CUBN: variants seen among roughly 807,000 people sequenced by gnomAD.
The protein encoded by CUBN is 460 kDa receptor.
Under a neutral mutation model 405.3 loss-of-function variants are expected in CUBN, and 282 were observed. The observed-to-expected ratio is 0.70, with a 90% CI of 0.63 to 0.77. The LOEUF is 0.77. Ranked by LOEUF, CUBN falls within the 30% of genes least tolerant of loss-of-function variation. CUBN has a pLI of 0.00. For missense variants in CUBN, 4,514 were observed against 4,475.2 expected (o/e 1.01, Z -0.25); for synonymous variants, 1,684 against 1,617.0 (o/e 1.04, Z -0.99).
At chr10:16,904,416 A>T (rs1001965875) in intron 50 of CUBN, among the ~76,000 whole-genome samples, 1 of 152,256 alleles carries the variant, frequency 6.6e-6, no homozygotes, top group African/African-American at 2.4e-5. Flanking sequence ...GATACAATGA[A>T]TTAAAATAGC....
chr10:17,127,793 A>G, intron 3 of CUBN, 36 bp downstream of exon 3: 1 of 1,459,906 alleles, frequency 6.8e-7, no homozygotes, highest in Non-Finnish European at 9.6e-7. Context: ...ACTAGGGAGA[A>G]CTCATCGGTT....
chr10:16,832,960 C>A (rs1260345619), intron 64 of CUBN, among the ~76,000 whole-genome samples: 1 of 152,082 alleles, frequency 6.6e-6, no homozygotes, highest in Non-Finnish European at 1.5e-5. Flanking sequence ...CAGGCCTAAG[C>A]GGTGGTTTCC....
At chr10:16,926,809 T>TTCTATCTATCTATCTATCTA (rs72523233) in intron 41 of CUBN, among the ~76,000 whole-genome samples, 9 of 41,598 alleles carry the variant, frequency 2.2e-4, no homozygotes, top group African/African-American at 4.2e-4. Context: ...AAATTTTTTT[T>TTCTATCTATCTATCTATCTA]TCTATCTATC....
chr10:17,099,097 T>C (rs909374273), intron 14 of CUBN, among the ~76,000 whole-genome samples: 1 of 152,096 alleles, frequency 6.6e-6, no homozygotes, highest in African/African-American at 2.4e-5. Flanking sequence ...AAGAACAAAG[T>C]TGAAATTACA....
chr10:17,019,500 A>T (rs577523282), intron 28 of CUBN, among the ~76,000 whole-genome samples: 70 of 151,990 alleles, frequency 4.6e-4, no homozygotes, highest in African/African-American at 1.6e-3. Context: ...AGATACTCCC[A>T]CCCCAACTTG....
At chr10:17,114,740 C>T (rs1366404499) in intron 7 of CUBN, among the ~76,000 whole-genome samples, 1 of 152,168 alleles carries the variant, frequency 6.6e-6, no homozygotes, top group Non-Finnish European at 1.5e-5. Context: ...CATCAGGACG[C>T]AGGGCATGGA....
chr10:17,060,069 C>A (rs185951267), intron 22 of CUBN, among the ~76,000 whole-genome samples: 11 of 150,876 alleles, frequency 7.3e-5, no homozygotes, highest in Non-Finnish European at 1.3e-4. Context: ...AAATATGAAC[C>A]CAAGTTCCCT....
intron 54 of CUBN, among the ~76,000 whole-genome samples, chr10:16,897,863 G>A (rs760106147): frequency 1.8e-4 from 28 of 152,064 alleles, no homozygotes; most frequent in Non-Finnish European, 3.1e-4. Context: ...GGGCTTGCCC[G>A]ATGTTATCAG....
At chr10:16,841,642 G>C (rs1012967941) in intron 60 of CUBN, among the ~76,000 whole-genome samples, 5 of 152,214 alleles carry the variant, frequency 3.3e-5, no homozygotes, top group African/African-American at 9.6e-5. Context: ...AGCCAAACCA[G>C]GTGTGTTGCT....
intron 28 of CUBN, among the ~76,000 whole-genome samples, chr10:17,015,716 C>T (rs1834310047): frequency 1.3e-5 from 2 of 152,286 alleles, no homozygotes; most frequent in African/African-American, 4.8e-5. Flanking sequence ...CCCAGAGAAC[C>T]ACTGCACTCA....
intron 28 of CUBN, among the ~76,000 whole-genome samples, chr10:16,992,834 T>C (rs896439185): frequency 7.2e-5 from 11 of 152,184 alleles, no homozygotes; most frequent in African/African-American, 2.7e-4. Flanking sequence ...TAAAATTAGA[T>C]GTGCTGACAT....
chr10:16,985,159 C>A (rs1426622706), intron 29 of CUBN, among the ~76,000 whole-genome samples: 1 of 152,238 alleles, frequency 6.6e-6, no homozygotes. Context: ...TGTTTCCACA[C>A]CCAGATGTTG....
chr10:16,939,422 G>T (rs900743196), intron 37 of CUBN, among the ~76,000 whole-genome samples: 1 of 152,102 alleles, frequency 6.6e-6, no homozygotes, highest in Non-Finnish European at 1.5e-5. Flanking sequence ...GACATGGGAA[G>T]GTGGGGTGAG....
chr10:16,964,603 G>A (rs1843335515), intron 31 of CUBN, among the ~76,000 whole-genome samples: 1 of 152,034 alleles, frequency 6.6e-6, no homozygotes, highest in Admixed American at 6.6e-5. Context: ...TTAATATGAG[G>A]AGCATGTAAG....
At chr10:17,091,662 A>G (rs2131286635) in intron 14 of CUBN, among the ~76,000 whole-genome samples, 1 of 152,320 alleles carries the variant, frequency 6.6e-6, no homozygotes, top group Admixed American at 6.5e-5. Flanking sequence ...GGGAAGTTCA[A>G]CCTGAGGAGA....
At chr10:16,934,371 ATAT>A (rs1324252041) in intron 39 of CUBN, among the ~76,000 whole-genome samples, 1 of 152,144 alleles carries the variant, frequency 6.6e-6, no homozygotes, top group Non-Finnish European at 1.5e-5. Flanking sequence ...GTACACCATA[ATAT>A]GTTTGAATCT....
intron 48 of CUBN, among the ~76,000 whole-genome samples, chr10:16,908,807 A>G (rs1471212584): frequency 6.6e-6 from 1 of 151,814 alleles, no homozygotes; most frequent in Admixed American, 6.6e-5. Flanking sequence ...AGAAATAATG[A>G]CTCAGACTAT....
intron 60 of CUBN, among the ~76,000 whole-genome samples, chr10:16,842,025 T>G (rs192285196): frequency 6.2e-4 from 94 of 151,412 alleles, no homozygotes; most frequent in African/African-American, 2.1e-3. Context: ...AACTGTTACC[T>G]TCTTCTATAT....
intron 64 of CUBN, among the ~76,000 whole-genome samples, chr10:16,833,813 T>C (rs1192822790): frequency 6.6e-6 from 1 of 152,152 alleles, no homozygotes; most frequent in Admixed American, 6.5e-5. Flanking sequence ...TACATTTCTT[T>C]ATGCTACAAA....
Sources: allele counts gnomAD v4.1 joint callset (sites outside exome capture counted in the v4.1 genomes callset), GRCh38; gene constraint gnomAD v4.1.1; transcripts MANE v1.5; gene names NCBI Gene and HGNC (gene_info 2026-07-23, HGNC 2026-07-21).